TTBK1: variants seen among roughly 807,000 people sequenced by gnomAD.
The protein encoded by TTBK1 is tau-tubulin kinase 1.
Under a neutral mutation model 108.5 loss-of-function variants are expected in TTBK1, and 34 were observed. That is an observed-to-expected ratio of 0.31 (90% CI 0.24 to 0.42). The LOEUF is 0.42. TTBK1 is among the 10% of genes least tolerant of loss of function. The pLI, the probability that TTBK1 is intolerant of heterozygous loss-of-function variation, is 1.00. For synonymous variants in TTBK1, 809 were observed against 795.1 expected, an observed-to-expected ratio of 1.02 and a Z score of -0.29; for missense variants, 1,539 against 1,826.0, an observed-to-expected ratio of 0.84 and a Z score of 2.86.
chr6:43,285,135 C>T lies in TTBK1; in HGVS notation c.3725C>T (p.Ala1242Val), dbSNP rs1383120100. The T allele has an allele frequency of 4.8e-6, 7 of 1,448,494 alleles. No homozygotes were observed. Among genetic ancestry groups the T allele is most frequent in the Non-Finnish European group, 6.3e-6 (7 of 1,108,120 alleles). The allele number at this position is 1,448,494 out of a possible 1,614,324, so 89.7% of individuals were successfully genotyped here. A position where few individuals can be genotyped will look rare whatever the true frequency, so the allele number is the denominator to read the frequency against. The change falls in exon 15 of 15, where the codon GCG (alanine) becomes GTG (valine). Residue 1242 changes from alanine to valine, a missense_variant. Physicochemically the swap from Ala to Val is moderately conservative, Grantham distance 64 (BLOSUM62 0). Coordinates refer to ENST00000259750, the MANE Select transcript of TTBK1 (RefSeq NM_032538.3). This position sits in a 1 kb window ranked among gnomAD's most constrained non-coding sequence, Gnocchi z 4.7. The stretch of plus-strand genomic sequence containing the variant: ...CGCCTCCCCGCGTCCACATCCGCCG[C>T]GCGCAATGCCAGCGCGTCCCCCCGG... ...SPRLPASTSA[A>V]RNASASPRSQ... is the part of the protein sequence containing the mutation.
rs1215328415 is a variant in TTBK1 at position 43,269,489 on chromosome 6, G to A, written c.1986+6139G>A. Among the ~76,000 whole-genome samples, 2 of 152,202 alleles carry A rather than the reference G, an allele frequency of 1.3e-5. No individual in the cohort carries two copies. The highest frequency in any genetic ancestry group is 2.9e-5 in the Non-Finnish European group (2 of 68,022). ...GATTCTGAGGCAGGACCTTGGGGCG[G>A]GTGGTTTGCACCCTCCTCCACCCTG... On this transcript the variant is annotated intron_variant, in intron 13 of 14. Transcript: ENST00000259750. This position sits in a 1 kb window ranked among gnomAD's most constrained non-coding sequence, Gnocchi z 4.8.
Position 43,263,046 on chromosome 6 carries a change from C to G in TTBK1, c.1682C>G (p.Pro561Arg). 1 of 1,591,364 alleles carries G rather than the reference C, an allele frequency of 6.3e-7. No homozygotes were observed. Among genetic ancestry groups the G allele is most frequent in the Non-Finnish European group, 8.6e-7 (1 of 1,169,360 alleles). The change falls in exon 13 of 15, where the codon CCC becomes CGC. Residue 561 changes from proline to arginine, a missense_variant. Coordinates refer to ENST00000259750, the MANE Select transcript of TTBK1 (RefSeq NM_032538.3). The surrounding 1 kb of genome is among the most constrained non-coding windows in gnomAD (Gnocchi z 4.7). ...ELKDFPPGAE[P>R]STSGTTDEEP... ...AAGGACTTCCCTCCAGGGGCTGAGC[C>G]CAGCACATCGGGCACCACGGATGAG...
intron 6 of TTBK1, 91 bp downstream of exon 6, chr6:43,254,742 A>G: frequency 8.1e-7 from 1 of 1,230,508 alleles, no homozygotes; most frequent in Non-Finnish European, 1.1e-6. Context: ...ACAGCTGCCT[A>G]AGCTGGCCTG....
At position 43,269,341 on chromosome 6, in the gene TTBK1, G is replaced by GTAGGACTAAGCCAGGAAGGCT. The variant is rs1562092943; in HGVS notation, c.1986+5993_1986+6013dup. Among the ~76,000 whole-genome samples the GTAGGACTAAGCCAGGAAGGCT allele has an allele frequency of 1.3e-5, 2 of 152,322 alleles. No homozygotes were observed. Among genetic ancestry groups the GTAGGACTAAGCCAGGAAGGCT allele is most frequent in the Admixed American group, 1.3e-4 (2 of 15,298 alleles). On this transcript the variant is annotated intron_variant, in intron 13 of 14. Coordinates refer to ENST00000259750, the MANE Select transcript of TTBK1 (RefSeq NM_032538.3). The surrounding 1 kb of genome is among the most constrained non-coding windows in gnomAD (Gnocchi z 4.8). Reference sequence around the variant, plus strand: ...CCAGTCCAGAACAACCCTGAGCTAGGTAGGACTAAGCCAGGAAGGCTTCTC... The same window carrying GTAGGACTAAGCCAGGAAGGCT: ...CCAGTCCAGAACAACCCTGAGCTAGGTAGGACTAAGCCAGGAAGGCTTAGGACTAAGCCAGGAAGGCTTCTC...
intron 12 of TTBK1, among the ~76,000 whole-genome samples, chr6:43,260,307 C>T (rs1293878174): frequency 1.3e-5 from 2 of 152,120 alleles, no homozygotes; most frequent in Non-Finnish European, 2.9e-5. Flanking sequence ...GGGCCAGGGC[C>T]CGGTCCCCAT....
chr6:43,259,823 G>A lies in TTBK1; in HGVS notation c.1424+117G>A. ...GTGGGCAGACCCTGGGAAGTGCTGA[G>A]AGGGTTATACTTGGGCCTGGGGTCA... On this transcript the variant is annotated intron_variant, in intron 12 of 14. Coordinates refer to ENST00000259750, the MANE Select transcript of TTBK1 (RefSeq NM_032538.3). This position sits in a 1 kb window ranked among gnomAD's most constrained non-coding sequence, Gnocchi z 6.7. The A allele has an allele frequency of 8.8e-7, 1 of 1,130,414 alleles. No individual in the cohort carries two copies. The highest frequency in any genetic ancestry group is 1.2e-6 in the Non-Finnish European group (1 of 815,614). The allele number at this position is 1,130,414 out of a possible 1,614,324, so 70.0% of individuals were successfully genotyped here. A position where few individuals can be genotyped will look rare whatever the true frequency, so the allele number is the denominator to read the frequency against.
chr6:43,271,590 A>G, intron 13 of TTBK1: 1 of 985,258 alleles, frequency 1.0e-6, no homozygotes, highest in Non-Finnish European at 1.2e-6. Flanking sequence ...GTTAGAGTAG[A>G]GGCCTCAGGG....
Position 43,253,783 on chromosome 6 carries a change from G to A in TTBK1, c.471+75G>A. The A allele has an allele frequency of 6.6e-7, 1 of 1,515,206 alleles. No individual in the cohort carries two copies. Among genetic ancestry groups the A allele is most frequent in the South Asian group, 1.3e-5 (1 of 75,076 alleles). The allele number at this position is 1,515,206 out of a possible 1,614,324, so 93.9% of individuals were successfully genotyped here. ...CCTAATTCTTTCCCTGGGTCTCCTG[G>A]TTTCTCCTCTGCAACCATGGTTGGG... is the stretch of plus-strand genomic sequence containing the variant. On this transcript the variant is annotated intron_variant, in intron 5 of 14. Coordinates refer to ENST00000259750, the MANE Select transcript of TTBK1 (RefSeq NM_032538.3). The surrounding 1 kb of genome is among the most constrained non-coding windows in gnomAD (Gnocchi z 5.8).
chr6:43,277,418 GC>G (rs767623305), intron 13 of TTBK1, among the ~76,000 whole-genome samples: 1 of 152,034 alleles, frequency 6.6e-6, no homozygotes, highest in Non-Finnish European at 1.5e-5. Flanking sequence ...AAAGAGGAAG[GC>G]CCCCCCATAC....
Position 43,285,078 on chromosome 6 carries a change from C to G in TTBK1, c.3668C>G (p.Ala1223Gly), listed in dbSNP as rs753433017. 6.7e-7 allele frequency: 1 copy of G among 1,492,070 alleles called. No individual in the cohort carries two copies. Among genetic ancestry groups the G allele is most frequent in the Non-Finnish European group, 8.9e-7 (1 of 1,128,934 alleles). 92.4% of individuals were successfully genotyped at this position (1,492,070 alleles called of 1,614,324 possible). Residue 1223 changes from alanine to glycine, a missense_variant, in exon 15 of 15, where the codon GCC becomes GGC. Coordinates refer to ENST00000259750, the MANE Select transcript of TTBK1 (RefSeq NM_032538.3). This position sits in a 1 kb window ranked among gnomAD's most constrained non-coding sequence, Gnocchi z 4.7. Reference sequence around the variant, plus strand: ...GGCCTGGGCCCAGGGCGAGCCCAAGCCGGAGCCAGGCCCCCAGCGCCGCGC... The same window carrying G: ...GGCCTGGGCCCAGGGCGAGCCCAAGGCGGAGCCAGGCCCCCAGCGCCGCGC... ...GRGLGPGRAQ[A>G]GARPPAPRSP...
intron 2 of TTBK1, 69 bp downstream of exon 2, chr6:43,246,837 A>G: frequency 7.6e-7 from 1 of 1,309,904 alleles, no homozygotes. Context: ...GAGACTTGTT[A>G]AAACCGGTGC....
At chr6:43,246,984 C>G (rs1216923230) in intron 2 of TTBK1, among the ~76,000 whole-genome samples, 1 of 152,194 alleles carries the variant, frequency 6.6e-6, no homozygotes, top group African/African-American at 2.4e-5. Context: ...TCTCTCACCC[C>G]TCTTCCCGCT....
chr6:43,261,574 G>T (rs1474693956), intron 12 of TTBK1, among the ~76,000 whole-genome samples: 11 of 152,084 alleles, frequency 7.2e-5, no homozygotes, highest in African/African-American at 2.7e-4. Context: ...CAGCACTTTG[G>T]GAGGCCAAGG....
intron 14 of TTBK1, 58 bp downstream of exon 14, chr6:43,284,370 G>GAGGGGCTTCTCCAGAACCAAGGTC (rs1314950513): frequency 2.0e-5 from 29 of 1,432,812 alleles, no homozygotes; most frequent in African/African-American, 1.1e-4. Flanking sequence ...CCTCCACCAG[G>GAGGGGCTTCTCCAGAACCAAGGTC]AGGGGCTTCT....
Position 43,259,318 on chromosome 6 carries a change from C to G in TTBK1, c.1248+49C>G, listed in dbSNP as rs750477290. 1.7e-5 allele frequency: 25 copies of G among 1,460,720 alleles called. No individual in the cohort carries two copies. The highest frequency in any genetic ancestry group is 2.0e-5 in the Non-Finnish European group (22 of 1,082,758). 90.5% of individuals were successfully genotyped at this position (1,460,720 alleles called of 1,614,324 possible). ...CGTGGGTGGCCTTTTCTCTCACCCC[C>G]GATTCCCAGCCTTGTGCCCCTGCCC... On this transcript the variant is annotated intron_variant, in intron 11 of 14. Transcript: ENST00000259750. The surrounding 1 kb of genome is among the most constrained non-coding windows in gnomAD (Gnocchi z 6.7).
At position 43,284,014 on chromosome 6, in the gene TTBK1, C is replaced by A; in HGVS notation, c.3274C>A (p.Leu1092Met). The change falls in exon 14 of 15, where the codon CTG becomes ATG. Residue 1092 changes from leucine to methionine, a missense_variant. By Grantham distance (15) the Leu-to-Met change is conservative. This residue lies in a region of TTBK1 where 1,055 missense variants were observed against 1,086.5 expected (regional missense o/e 0.97). Coordinates refer to ENST00000259750, the MANE Select transcript of TTBK1 (RefSeq NM_032538.3). ...RARPQQDLARLVMEKRQGRLL... is the reference protein window; with the variant it reads ...RARPQQDLARMVMEKRQGRLL... ...TCGGCCGCAGCAGGACCTGGCGCGG[C>A]TGGTGATGGAGAAGAGGCAGGGCCG... 6.3e-7 allele frequency: 1 copy of A among 1,580,946 alleles called. No homozygotes were observed. The highest frequency in any genetic ancestry group is 8.6e-7 in the Non-Finnish European group (1 of 1,162,614).
intron 2 of TTBK1, 38 bp downstream of exon 2, chr6:43,246,806 G>C: frequency 6.5e-7 from 1 of 1,548,554 alleles, no homozygotes; most frequent in South Asian, 1.2e-5. Flanking sequence ...GGAGGGTAGC[G>C]GGGAGGGAGG....
chr6:43,261,808 C>CA (rs11409412), intron 12 of TTBK1, among the ~76,000 whole-genome samples: 19,554 of 85,786 alleles, frequency 0.23, 2,092 homozygotes, highest in East Asian at 0.45. Flanking sequence ...GATTCTGTCT[C>CA]AAAAAAAAAA....
chr6:43,275,144 C>G (rs553577109), intron 13 of TTBK1, among the ~76,000 whole-genome samples: 1 of 152,310 alleles, frequency 6.6e-6, no homozygotes, highest in Non-Finnish European at 1.5e-5. Flanking sequence ...CTAGCGGCCC[C>G]GGCCGGGAGG....
Sources: gnomAD v4.1 joint callset for allele counts (sites outside exome capture counted in the v4.1 genomes callset) on GRCh38, gnomAD v4.1.1 for gene constraint, gnomAD v4.1.1 regional missense constraint, Gnocchi (gnomAD v3.1) non-coding constraint, MANE v1.5 for transcripts, NCBI Gene and HGNC (gene_info 2026-07-23, HGNC 2026-07-21) for gene names.